The following EIF4G2 variants were observed in gnomAD, a reference collection of about 807,000 sequenced individuals.
EIF4G2 encodes DAP-5.
EIF4G2 carries 8 observed loss-of-function variants against 117.7 expected under a neutral mutation model. The observed-to-expected ratio is 0.07, with a 90% CI of 0.04 to 0.12. The LOEUF (loss-of-function observed/expected upper bound fraction) is 0.12. EIF4G2 is among the 10% of genes least tolerant of loss of function. EIF4G2 has a pLI of 1.00. For synonymous variants in EIF4G2, 413 were observed against 367.8 expected, an observed-to-expected ratio of 1.12 and a Z score of -1.41; for missense variants, 812 against 1,086.2, an observed-to-expected ratio of 0.75 and a Z score of 3.55.
At chr11:10,807,745 C>T in intron 1 of EIF4G2, 1 of 992,458 alleles carries the variant, frequency 1.0e-6, no homozygotes, top group Non-Finnish European at 1.2e-6. Context: ...TTTTTACTGC[C>T]TTGACGAGGC....
At chr11:10,808,404 C>T in intron 1 of EIF4G2, 7 of 1,254,082 alleles carry the variant, frequency 5.6e-6, no homozygotes, top group Non-Finnish European at 7.2e-6. Context: ...GCTCCCTCGC[C>T]GTCCGAGCAC....
In EIF4G2 at chr11:10,799,348, G is replaced by C. The variant is rs1284693426; in HGVS notation, c.2401C>G (p.Gln801Glu). ...AGTAGTTGTTTTTCCTGCTCTAACT[G>C]TTCTTTGGAAGGAGCAGAGGATGAA... The change falls in exon 20 of 22, where the codon CAG (glutamine) becomes GAG (glutamate). Residue 801 changes from glutamine (Q) to glutamate (E), a missense_variant. Gln to Glu is a conservative substitution (Grantham distance 29). Coordinates refer to ENST00000339995, the MANE Select transcript of EIF4G2 (RefSeq NM_001418.4). 2 of 1,613,614 alleles carry C rather than the reference G, an allele frequency of 1.2e-6. No homozygotes were observed. The highest frequency in any genetic ancestry group is 1.7e-6 in the Non-Finnish European group (2 of 1,180,018).
chr11:10,807,878 G>A (rs1445611755), intron 1 of EIF4G2: 1 of 1,008,224 alleles, frequency 9.9e-7, no homozygotes, highest in Non-Finnish European at 1.2e-6. Flanking sequence ...TACAGGACTA[G>A]CACTTGCAGG....
At position 10,797,951 on chromosome 11, in the gene EIF4G2, T is replaced by C; in HGVS notation, c.2659-70A>G. On this transcript the variant is annotated intron_variant, in intron 21 of 21. Transcript: ENST00000339995. The surrounding 1 kb of genome is among the most constrained non-coding windows in gnomAD (Gnocchi z 4.5). ...AGAAATCCATCCAAAAAGTTTTAGGTGGTACTACACAGTTTTAGAATATGA... is the reference window on the plus strand; with the variant it reads ...AGAAATCCATCCAAAAAGTTTTAGGCGGTACTACACAGTTTTAGAATATGA... 7.1e-7 allele frequency: 1 copy of C among 1,402,388 alleles called. No homozygotes were observed. The highest frequency in any genetic ancestry group is 1.0e-6 in the Non-Finnish European group (1 of 995,556). 86.9% of individuals were successfully genotyped at this position (1,402,388 alleles called of 1,614,324 possible).
At position 10,803,265 on chromosome 11, in the gene EIF4G2, C is replaced by T; in HGVS notation, c.843G>A (p.Met281Ile). 6.2e-7 allele frequency: 1 copy of T among 1,614,068 alleles called. No homozygotes were observed. The highest frequency in any genetic ancestry group is 8.5e-7 in the Non-Finnish European group (1 of 1,179,994). The stretch of plus-strand genomic sequence containing the variant: ...ATTCCTTACTTAACATCAAGGAGCA[C>T]ATTCGGGCAAAGTACTGATCCATTA... Residue 281 changes from methionine (M) to isoleucine (I), a missense_variant, in exon 10 of 22, where the codon ATG becomes ATA. By Grantham distance (10) the Met-to-Ile change is conservative. Transcript: ENST00000339995. This position sits in a 1 kb window ranked among gnomAD's most constrained non-coding sequence, Gnocchi z 4.0.
Position 10,797,734 on chromosome 11 carries a change from G to A in EIF4G2, c.*82C>T. On this transcript the variant is annotated 3_prime_UTR_variant, in exon 22 of 22. Transcript: ENST00000339995. The surrounding 1 kb of genome is among the most constrained non-coding windows in gnomAD (Gnocchi z 4.5). ...TATTGTGAAAACATTACAGCGGAAT[G>A]AATTTTCGCAGTGGTTAGGTCAAAT... is the stretch of plus-strand genomic sequence containing the variant. The A allele has an allele frequency of 7.3e-7, 1 of 1,363,760 alleles. No homozygotes were observed. Among genetic ancestry groups the A allele is most frequent in the South Asian group, 1.2e-5 (1 of 82,590 alleles). The allele number at this position is 1,363,760 out of a possible 1,614,324, so 84.5% of individuals were successfully genotyped here.
Position 10,801,106 on chromosome 11 carries a change from T to C in EIF4G2, c.1414-19A>G, listed in dbSNP as rs1401342797. Reference sequence around the variant, plus strand: ...GGCTAATCTGGAATTGAAAACAAAATATATCTAAATTAACAACATGCAGTT... The same window carrying C: ...GGCTAATCTGGAATTGAAAACAAAACATATCTAAATTAACAACATGCAGTT... On this transcript the variant is annotated intron_variant, in intron 14 of 21. Transcript: ENST00000339995. The C allele has an allele frequency of 1.2e-6, 2 of 1,613,494 alleles. No individual in the cohort carries two copies. Among genetic ancestry groups the C allele is most frequent in the Non-Finnish European group, 1.7e-6 (2 of 1,179,790 alleles).
Position 10,803,193 on chromosome 11 carries a change from T to G in EIF4G2, c.897+18A>C. 6.2e-7 allele frequency: 1 copy of G among 1,609,012 alleles called. No homozygotes were observed. Among genetic ancestry groups the G allele is most frequent in the Non-Finnish European group, 8.5e-7 (1 of 1,178,728 alleles). ...CAAAAACTCAGCTTACCAACAAATT[T>G]AAAGAAACCAGTATTACCTGCAGCA... On this transcript the variant is annotated intron_variant, in intron 10 of 21. Transcript: ENST00000339995. The surrounding 1 kb of genome is among the most constrained non-coding windows in gnomAD (Gnocchi z 4.0).
rs758741749 is a variant in EIF4G2 at position 10,800,712 on chromosome 11, T to G, written c.1644+19A>C. 6.2e-7 allele frequency: 1 copy of G among 1,614,048 alleles called. No individual in the cohort carries two copies. The highest frequency in any genetic ancestry group is 8.5e-7 in the Non-Finnish European group (1 of 1,179,940). ...CAAATACAGGCTAATTACACTAAAATGGGATATTTGAAACTTACAGTTAGT... is the reference window on the plus strand; with the variant it reads ...CAAATACAGGCTAATTACACTAAAAGGGGATATTTGAAACTTACAGTTAGT... On this transcript the variant is annotated intron_variant, in intron 16 of 21. Coordinates refer to ENST00000339995, the MANE Select transcript of EIF4G2 (RefSeq NM_001418.4).
At position 10,803,001 on chromosome 11, in the gene EIF4G2, G is replaced by T; in HGVS notation, c.996+29C>A. 1 of 1,596,128 alleles carries T rather than the reference G, an allele frequency of 6.3e-7. No homozygotes were observed. The highest frequency in any genetic ancestry group is 8.6e-7 in the Non-Finnish European group (1 of 1,168,364). On this transcript the variant is annotated intron_variant, in intron 11 of 21. Transcript: ENST00000339995. The surrounding 1 kb of genome is among the most constrained non-coding windows in gnomAD (Gnocchi z 4.0). The stretch of plus-strand genomic sequence containing the variant: ...TCTATTCTACACACACAGAGTCTAT[G>T]TGACAAACAAAACAAAACCCAATCT...
rs745580672 is a variant in EIF4G2, at chr11:10,801,783, G to A, written c.1300-9C>T. 5 of 1,610,514 alleles carry A rather than the reference G, an allele frequency of 3.1e-6. No homozygotes were observed. In the Admixed American group the frequency reaches 6.7e-5, roughly 22 times the overall value. Reference sequence around the variant, plus strand: ...TAGAGCTGGCTTAGCCCCTATTTCAGAAAAGGAGAAAGAAAGTCTAGATAA... The same window carrying A: ...TAGAGCTGGCTTAGCCCCTATTTCAAAAAAGGAGAAAGAAAGTCTAGATAA... On this transcript the variant is annotated splice_polypyrimidine_tract_variant and intron_variant, in intron 13 of 21. Transcript: ENST00000339995.
At chr11:10,801,536 A>G (rs750529050) in intron 14 of EIF4G2, 125 bp downstream of exon 14, 5 of 917,164 alleles carry the variant, frequency 5.5e-6, no homozygotes, top group East Asian at 4.8e-5. Flanking sequence ...GAAGTATAGA[A>G]AAGAGAGAAA....
rs1191342064 is a variant in EIF4G2 at position 10,805,970 on chromosome 11, G to A, written c.185C>T (p.Ser62Phe). Reference sequence around the variant, plus strand: ...TTCGTTTGCGGAGTTGTTTGCTGCGGAGTTGTCATCTCGTCTAGTGCTTCG... The same window carrying A: ...TTCGTTTGCGGAGTTGTTTGCTGCGAAGTTGTCATCTCGTCTAGTGCTTCG... The change falls in exon 4 of 22, where the codon TCC becomes TTC. Residue 62 changes from serine (S) to phenylalanine (F), a missense_variant. Transcript: ENST00000339995. 3.7e-6 allele frequency: 6 copies of A among 1,614,196 alleles called. No homozygotes were observed. Among genetic ancestry groups the A allele is most frequent in the Non-Finnish European group, 5.1e-6 (6 of 1,180,034 alleles).
At chr11:10,808,181 C>G in intron 1 of EIF4G2, 1 of 1,119,648 alleles carries the variant, frequency 8.9e-7, no homozygotes, top group Non-Finnish European at 1.1e-6. Context: ...AACCGCCTCG[C>G]CACGGCCTCC....
rs968913378 is a variant in EIF4G2, at chr11:10,803,423, C to T, written c.813+57G>A. ...CAATCCCTTATGATGTCACAAAAAT[C>T]AATAGCTTGATTTAAAGACAAACTA... is the stretch of plus-strand genomic sequence containing the variant. On this transcript the variant is annotated intron_variant, in intron 9 of 21. Coordinates refer to ENST00000339995, the MANE Select transcript of EIF4G2 (RefSeq NM_001418.4). The surrounding 1 kb of genome is among the most constrained non-coding windows in gnomAD (Gnocchi z 4.0). 3 of 1,577,440 alleles carry T rather than the reference C, an allele frequency of 1.9e-6. No homozygotes were observed. The African/African-American group carries it at 4.1e-5, about 21-fold the overall frequency.
chr11:10,807,699 C>G (rs930819581), intron 1 of EIF4G2: 2 of 997,716 alleles, frequency 2.0e-6, no homozygotes, highest in Admixed American at 6.0e-5. Context: ...ACTACAGACA[C>G]GAGCAACATC....
chr11:10,801,643 T>TAACATAGGC lies in EIF4G2; in HGVS notation c.1413+9_1413+17dup. The TAACATAGGC allele has an allele frequency of 6.2e-7, 1 of 1,604,442 alleles. No individual in the cohort carries two copies. Among genetic ancestry groups the TAACATAGGC allele is most frequent in the African/African-American group, 1.3e-5 (1 of 74,874 alleles). On this transcript the variant is annotated intron_variant, in intron 14 of 21. Transcript: ENST00000339995. The stretch of plus-strand genomic sequence containing the variant: ...GAATGGACAAACTATGGTATATAAG[T>TAACATAGGC]AACATAGGCAAATGTACCTCATCTG...
intron 1 of EIF4G2, chr11:10,807,978 A>C (rs1158453615): frequency 1.9e-6 from 2 of 1,030,606 alleles, no homozygotes; most frequent in Non-Finnish European, 2.3e-6. Context: ...CCTCCCACCC[A>C]GGCGCAAGTT....
intron 2 of EIF4G2, 107 bp from the exon 3 acceptor site, chr11:10,806,992 T>A: frequency 5.9e-6 from 8 of 1,366,062 alleles, no homozygotes; most frequent in Non-Finnish European, 7.2e-6. Flanking sequence ...GGGGTCTCGC[T>A]ATTTTGCCCA....
Sources: gnomAD v4.1 joint callset for allele counts on GRCh38, gnomAD v4.1.1 for gene constraint, Gnocchi (gnomAD v3.1) non-coding constraint, MANE v1.5 for transcripts, NCBI Gene and HGNC (gene_info 2026-07-23, HGNC 2026-07-21) for gene names.